Variants in GADL1 observed in about 807,000 individuals in gnomAD.
The protein encoded by GADL1 is GAD like acidic amino acid decarboxylase 1, also known as acidic amino acid decarboxylase GADL1.
GADL1 carries 71 observed loss-of-function variants against 69.5 expected under a neutral mutation model. The observed-to-expected ratio is 1.02, with a 90% CI of 0.84 to 1.25. GADL1 has a LOEUF of 1.25. GADL1 is among the 50% of genes most tolerant of loss of function. GADL1 has a pLI of 0.00. For missense variants in GADL1, 737 were observed against 631.8 expected, an observed-to-expected ratio of 1.17 and a Z score of -1.79; for synonymous variants, 254 against 214.4, an observed-to-expected ratio of 1.18 and a Z score of -1.62.
chr3:30,766,385 C>T (rs747088507), intron 14 of GADL1, among the ~76,000 whole-genome samples: 25 of 152,182 alleles, frequency 1.6e-4, no homozygotes, highest in Non-Finnish European at 3.2e-4. Flanking sequence ...CTTGGTAATG[C>T]TCTACTGTGG....
At chr3:30,860,915 G>A (rs1044639709) in intron 2 of GADL1, among the ~76,000 whole-genome samples, 3 of 151,958 alleles carry the variant, frequency 2.0e-5, no homozygotes, top group East Asian at 3.9e-4. Flanking sequence ...TAAAATGGGG[G>A]TAATAGTATC....
At chr3:30,876,085 T>A (rs1364082691) in intron 1 of GADL1, among the ~76,000 whole-genome samples, 1 of 152,012 alleles carries the variant, frequency 6.6e-6, no homozygotes, top group South Asian at 2.1e-4. Flanking sequence ...AAGGTCTAAT[T>A]CCTATAATAC....
chr3:30,805,734 CTTTTTTT>C lies in GADL1; in HGVS notation c.1051-4653_1051-4647del, dbSNP rs34788058. Among the ~76,000 whole-genome samples, 144 of 66,102 alleles carry C rather than the reference CTTTTTTT, an allele frequency of 2.2e-3. 2 individuals carry two copies. The highest frequency in any genetic ancestry group is 0.011 in the African/African-American group (128 of 11,844). The allele number at this position is 66,102 out of a possible 152,430, so 43.4% of individuals were successfully genotyped here. ...ATTCTGTGCACCAGCAGTCCCCAGC[CTTTTTTT>C]TTTTTTTTTTTTTTTTTGGGCACCA... On this transcript the variant is annotated intron_variant, in intron 11 of 14. Coordinates refer to ENST00000282538, the MANE Select transcript of GADL1 (RefSeq NM_207359.3).
intron 1 of GADL1, among the ~76,000 whole-genome samples, chr3:30,885,273 T>C (rs543281010): frequency 1.3e-3 from 193 of 152,178 alleles, no homozygotes; most frequent in Middle Eastern, 6.8e-3. Context: ...TTTTCTTCTG[T>C]CTTATCTATG....
chr3:30,741,830 G>T (rs1048695809), intron 14 of GADL1, among the ~76,000 whole-genome samples: 4 of 152,158 alleles, frequency 2.6e-5, no homozygotes, highest in African/African-American at 9.7e-5. Context: ...GAGAGGGCTT[G>T]TGGCACACTA....
intron 2 of GADL1, among the ~76,000 whole-genome samples, chr3:30,859,974 C>CT (rs1036504547): frequency 3.3e-5 from 5 of 151,748 alleles, no homozygotes; most frequent in African/African-American, 1.2e-4. Flanking sequence ...TGTGTGAGCT[C>CT]TTTTTTTCTG....
At chr3:30,844,975 G>C (rs1410490188) in intron 6 of GADL1, among the ~76,000 whole-genome samples, 52 of 152,116 alleles carry the variant, frequency 3.4e-4, no homozygotes, top group African/African-American at 1.2e-3. Context: ...ACCCTCTAAG[G>C]AGAGGGCAAG....
chr3:30,844,514 A>C, intron 6 of GADL1, 48 bp from the exon 7 acceptor site: 1 of 1,205,216 alleles, frequency 8.3e-7, no homozygotes, highest in Non-Finnish European at 1.2e-6. Context: ...AAAACATAGC[A>C]CAAAAAAAGC....
intron 13 of GADL1, among the ~76,000 whole-genome samples, chr3:30,783,122 C>T (rs1696704566): frequency 1.3e-5 from 2 of 152,170 alleles, no homozygotes; most frequent in Admixed American, 6.5e-5. Flanking sequence ...AGGTTTGCTG[C>T]ATTGTGCAGG....
chr3:30,885,639 A>G (rs1195268773), intron 1 of GADL1, among the ~76,000 whole-genome samples: 1 of 152,126 alleles, frequency 6.6e-6, no homozygotes, highest in Non-Finnish European at 1.5e-5. Flanking sequence ...CCAGTTTCAT[A>G]TGTATAAATG....
At chr3:30,840,557 C>T (rs1448703388) in intron 8 of GADL1, among the ~76,000 whole-genome samples, 1 of 152,158 alleles carries the variant, frequency 6.6e-6, no homozygotes. Context: ...CAGCTTTACA[C>T]CAATCATTAA....
chr3:30,845,913 T>C (rs1340353184), intron 6 of GADL1, among the ~76,000 whole-genome samples: 2 of 151,960 alleles, frequency 1.3e-5, no homozygotes, highest in Non-Finnish European at 2.9e-5. Flanking sequence ...AGCACAATGC[T>C]CTCCCCCTGA....
At chr3:30,866,399 C>A (rs374499567) in intron 1 of GADL1, among the ~76,000 whole-genome samples, 1 of 152,010 alleles carries the variant, frequency 6.6e-6, no homozygotes, top group African/African-American at 2.4e-5. Context: ...GAGAAGGTTG[C>A]AGTGAGCCAA....
At chr3:30,735,216 TTCTAC>T (rs1695525584) in intron 14 of GADL1, among the ~76,000 whole-genome samples, 1 of 127,552 alleles carries the variant, frequency 7.8e-6, no homozygotes, top group African/African-American at 4.8e-5. Context: ...CAATTTAACC[TTCTAC>T]GGCAATTGTT....
At chr3:30,754,356 C>T (rs1193734884) in intron 14 of GADL1, among the ~76,000 whole-genome samples, 1 of 131,070 alleles carries the variant, frequency 7.6e-6, no homozygotes, top group East Asian at 2.4e-4. Flanking sequence ...AATATCTTAG[C>T]TTCCTTCAGG....
intron 14 of GADL1, among the ~76,000 whole-genome samples, chr3:30,759,072 G>GTT (rs79546906): frequency 6.3e-4 from 95 of 151,596 alleles, no homozygotes; most frequent in Non-Finnish European, 9.3e-4. Context: ...TTAAAAATCC[G>GTT]TTTTTTTTCC....
At chr3:30,842,803 C>A in intron 8 of GADL1, among the ~76,000 whole-genome samples, 4 of 121,966 alleles carry the variant, frequency 3.3e-5, no homozygotes, top group South Asian at 2.8e-4. Context: ...CAATAAAGTT[C>A]ACTTGTCATT....
At chr3:30,735,196 T>A (rs973046289) in intron 14 of GADL1, among the ~76,000 whole-genome samples, 2 of 148,700 alleles carry the variant, frequency 1.3e-5, no homozygotes, top group African/African-American at 5.2e-5. Flanking sequence ...GTAGAAGGGG[T>A]CACACTATAC....
intron 11 of GADL1, among the ~76,000 whole-genome samples, chr3:30,827,047 G>A (rs1697692500): frequency 6.6e-6 from 1 of 151,906 alleles, no homozygotes. Context: ...GAAGGGTCAT[G>A]CTTTGAGACT....
Sources: gnomAD v4.1 joint callset for allele counts (sites outside exome capture counted in the v4.1 genomes callset) on GRCh38, gnomAD v4.1.1 for gene constraint, MANE v1.5 for transcripts, NCBI Gene and HGNC (gene_info 2026-07-23, HGNC 2026-07-21) for gene names.